ADAM22: variants seen among roughly 807,000 people sequenced by gnomAD.
ADAM22 encodes ADAM metallopeptidase domain 22, also known as disintegrin and metalloproteinase domain-containing protein 22.
ADAM22 carries 65 observed loss-of-function variants against 144.6 expected under a neutral mutation model. The observed-to-expected ratio is 0.45, with a 90% CI of 0.37 to 0.55. The LOEUF (loss-of-function observed/expected upper bound fraction) is 0.55. Among genes scored for constraint, ADAM22 ranks in the 20% least tolerant of loss-of-function variants. ADAM22 has a pLI of 0.00. For missense variants in ADAM22, 974 were observed against 1,184.9 expected, an observed-to-expected ratio of 0.82 and a Z score of 2.61; for synonymous variants, 391 against 412.6, an observed-to-expected ratio of 0.95 and a Z score of 0.63.
In ADAM22 at chr7:87,935,091, G is replaced by T; in HGVS notation, c.151G>T (p.Val51Leu). 8 of 1,614,112 alleles carry T rather than the reference G, an allele frequency of 5.0e-6. No homozygotes were observed. The highest frequency in any genetic ancestry group is 6.8e-6 in the Non-Finnish European group (8 of 1,180,030). ...ENRFVERQSI[V>L]PLRLIYRSGG... ...CCGCTTCGTGGAGCGCCAGAGCATCGTGCCACTGCGCCTCATCTACCGCTC... is the reference window on the plus strand; with the variant it reads ...CCGCTTCGTGGAGCGCCAGAGCATCTTGCCACTGCGCCTCATCTACCGCTC... The change falls in exon 2 of 32, where the codon GTG becomes TTG. Residue 51 changes from valine (V) to leucine (L), a missense_variant. Physicochemically the swap from Val to Leu is conservative, Grantham distance 32. Coordinates refer to ENST00000413139, the MANE Select transcript of ADAM22 (RefSeq NM_001324418.2).
At chr7:88,160,696 C>T (rs1041188073) in intron 22 of ADAM22, among the ~76,000 whole-genome samples, 3 of 152,092 alleles carry the variant, frequency 2.0e-5, no homozygotes, top group Admixed American at 2.0e-4. Flanking sequence ...TTCACAACAG[C>T]AAAGACTTGG....
At chr7:88,044,212 A>G (rs1803913809) in intron 3 of ADAM22, among the ~76,000 whole-genome samples, 1 of 152,224 alleles carries the variant, frequency 6.6e-6, no homozygotes, top group African/African-American at 2.4e-5. Context: ...TAATTCAATT[A>G]TTTGAAGAAA....
At chr7:88,148,147 A>T (rs978031195) in intron 17 of ADAM22, among the ~76,000 whole-genome samples, 31 of 152,208 alleles carry the variant, frequency 2.0e-4, no homozygotes, top group Non-Finnish European at 3.8e-4. Flanking sequence ...GCTAGAGAAG[A>T]TAAAGCTTAT....
At chr7:88,105,832 G>A (rs1038003507) in intron 4 of ADAM22, among the ~76,000 whole-genome samples, 79 of 152,280 alleles carry the variant, frequency 5.2e-4, no homozygotes, top group African/African-American at 1.9e-3. Context: ...TAGTGTGATT[G>A]TGTATGTAAA....
At chr7:87,981,248 T>A (rs1347695920) in intron 3 of ADAM22, among the ~76,000 whole-genome samples, 1 of 152,140 alleles carries the variant, frequency 6.6e-6, no homozygotes, top group African/African-American at 2.4e-5. Flanking sequence ...ATGTGAAATA[T>A]ATAACAATTA....
chr7:87,965,508 C>G (rs554802768), intron 2 of ADAM22, among the ~76,000 whole-genome samples: 33 of 152,118 alleles, frequency 2.2e-4, no homozygotes, highest in Non-Finnish European at 4.4e-4. Flanking sequence ...GAGAAAAGGC[C>G]TTTATACACC....
chr7:87,949,085 C>T (rs140414693), intron 2 of ADAM22, among the ~76,000 whole-genome samples: 119 of 152,268 alleles, frequency 7.8e-4, no homozygotes, highest in African/African-American at 2.7e-3. Flanking sequence ...TGGAGAGGAT[C>T]GTGGACCTCA....
At chr7:87,972,686 C>T (rs1470977656) in intron 2 of ADAM22, among the ~76,000 whole-genome samples, 7 of 152,112 alleles carry the variant, frequency 4.6e-5, no homozygotes, top group Non-Finnish European at 8.8e-5. Flanking sequence ...TCACACTATA[C>T]CTACAAAGCT....
intron 29 of ADAM22, among the ~76,000 whole-genome samples, chr7:88,183,513 T>C (rs2129538464): frequency 6.6e-6 from 1 of 152,268 alleles, no homozygotes; most frequent in South Asian, 2.1e-4. Context: ...ATACAGTGTT[T>C]TCTAGAGCAG....
chr7:88,100,350 A>G (rs1238331280), intron 4 of ADAM22, among the ~76,000 whole-genome samples: 1 of 152,174 alleles, frequency 6.6e-6, no homozygotes, highest in East Asian at 1.9e-4. Context: ...AGATTTTGAG[A>G]TGCATTAGTA....
intron 7 of ADAM22, among the ~76,000 whole-genome samples, chr7:88,118,031 GC>G (rs1369713224): frequency 6.6e-6 from 1 of 152,058 alleles, no homozygotes; most frequent in East Asian, 1.9e-4. Flanking sequence ...AATCTTTGCA[GC>G]AGCCCTGTAA....
intron 2 of ADAM22, among the ~76,000 whole-genome samples, chr7:87,956,080 C>T (rs983118575): frequency 7.9e-5 from 12 of 152,184 alleles, no homozygotes; most frequent in African/African-American, 1.4e-4. Flanking sequence ...TTGCGCTTCC[C>T]GAGTGAGGCA....
At chr7:88,160,881 G>A (rs939808915) in intron 22 of ADAM22, among the ~76,000 whole-genome samples, 13 of 151,902 alleles carry the variant, frequency 8.6e-5, no homozygotes, top group Admixed American at 6.6e-4. Flanking sequence ...ACCAAACACC[G>A]TGTGTTCTCA....
chr7:88,093,530 T>C (rs1212996881), intron 4 of ADAM22, among the ~76,000 whole-genome samples: 1 of 152,116 alleles, frequency 6.6e-6, no homozygotes, highest in Non-Finnish European at 1.5e-5. Flanking sequence ...TGTTTCTTTT[T>C]TTCTTTCTTT....
At chr7:87,950,262 A>G (rs1299535988) in intron 2 of ADAM22, among the ~76,000 whole-genome samples, 2 of 147,322 alleles carry the variant, frequency 1.4e-5, no homozygotes, top group Non-Finnish European at 3.0e-5. Context: ...AGCATTAGGT[A>G]TATCTCCTAA....
At chr7:88,061,463 C>A (rs1408399115) in intron 3 of ADAM22, among the ~76,000 whole-genome samples, 3 of 152,148 alleles carry the variant, frequency 2.0e-5, no homozygotes, top group African/African-American at 7.2e-5. Context: ...GTTGAAATTA[C>A]TTCTTGGTCT....
At chr7:88,178,382 T>C (rs1372150420) in intron 26 of ADAM22, among the ~76,000 whole-genome samples, 1 of 152,190 alleles carries the variant, frequency 6.6e-6, no homozygotes, top group Non-Finnish European at 1.5e-5. Context: ...TTTCTTCGTA[T>C]TTCTGTTAAA....
chr7:88,177,056 C>T (rs546962017), intron 26 of ADAM22, among the ~76,000 whole-genome samples: 14 of 152,322 alleles, frequency 9.2e-5, no homozygotes, highest in African/African-American at 1.7e-4. Context: ...TGAGCCACCA[C>T]GCCCAGCCTG....
intron 3 of ADAM22, among the ~76,000 whole-genome samples, chr7:88,008,449 A>G (rs902154231): frequency 1.8e-4 from 28 of 152,078 alleles, no homozygotes; most frequent in African/African-American, 6.3e-4. Flanking sequence ...ACACATGCAC[A>G]CATATGTTTA....
Sources: gnomAD v4.1 joint callset for allele counts (sites outside exome capture counted in the v4.1 genomes callset) on GRCh38, gnomAD v4.1.1 for gene constraint, MANE v1.5 for transcripts, NCBI Gene and HGNC (gene_info 2026-07-23, HGNC 2026-07-21) for gene names.